The following DPP4 variants were observed in gnomAD, a reference collection of about 807,000 sequenced individuals.
The protein encoded by DPP4 is ADCP-2.
Under a neutral mutation model 122.4 loss-of-function variants are expected in DPP4, and 93 were observed. That is an observed-to-expected ratio of 0.76 (90% CI 0.64 to 0.90). The LOEUF is 0.90. Among genes scored for constraint, DPP4 ranks in the 40% least tolerant of loss-of-function variants. The probability of loss-of-function intolerance (pLI) is 0.00; values close to 1 mark genes in which losing one functional copy is unlikely to be tolerated. For missense variants in DPP4, 914 were observed against 907.3 expected, an observed-to-expected ratio of 1.01 and a Z score of -0.09; for synonymous variants, 321 against 302.9, an observed-to-expected ratio of 1.06 and a Z score of -0.62.
chr2:162,049,820 T>C (rs1401159659), intron 2 of DPP4, among the ~76,000 whole-genome samples: 1 of 152,212 alleles, frequency 6.6e-6, no homozygotes, highest in East Asian at 1.9e-4. Context: ...GATAATAGCC[T>C]TGTACCTGCC....
chr2:162,026,774 T>C (rs1576048435), intron 10 of DPP4, among the ~76,000 whole-genome samples: 1 of 152,186 alleles, frequency 6.6e-6, no homozygotes, highest in African/African-American at 2.4e-5. Flanking sequence ...GAAAGGTGAA[T>C]ACACTTTACC....
At chr2:162,051,233 T>C (rs73971551) in intron 2 of DPP4, among the ~76,000 whole-genome samples, 5,805 of 152,302 alleles carry the variant, frequency 0.038, 246 homozygotes, top group African/African-American at 0.098. Context: ...GGTATCTTAA[T>C]GAATCCTTGC....
chr2:162,016,734 A>G, intron 18 of DPP4, 34 bp downstream of exon 18: 1 of 1,499,740 alleles, frequency 6.7e-7, no homozygotes, highest in Middle Eastern at 1.8e-4. Context: ...TGGTGTTTCC[A>G]TGAAAAGTAC....
intron 23 of DPP4, among the ~76,000 whole-genome samples, chr2:162,002,492 A>G (rs2106077294): frequency 6.6e-6 from 1 of 152,330 alleles, no homozygotes; most frequent in Non-Finnish European, 1.5e-5. Context: ...CACTTTGGTC[A>G]TTCCTAATCC....
At position 162,045,557 on chromosome 2, in the gene DPP4, A is replaced by AT; in HGVS notation, c.340dup (p.Ile114AsnfsTer20). On this transcript the variant is annotated frameshift_variant, in exon 5 of 26. Coordinates refer to ENST00000360534, the MANE Select transcript of DPP4 (RefSeq NM_001935.4). LOFTEE classifies it high-confidence loss of function. ...CTTCACGTAGTTGTATTCTAAGAGA[A>AT]TAAACTGCCCATCAGGAGATATTGA... 6.2e-7 allele frequency: 1 copy of AT among 1,612,138 alleles called. No homozygotes were observed. Among genetic ancestry groups the AT allele is most frequent in the Non-Finnish European group, 8.5e-7 (1 of 1,178,304 alleles).
At chr2:162,058,445 T>C (rs1002967385) in intron 2 of DPP4, among the ~76,000 whole-genome samples, 1 of 152,218 alleles carries the variant, frequency 6.6e-6, no homozygotes, top group Non-Finnish European at 1.5e-5. Flanking sequence ...GCAACCCTGT[T>C]AACTGCCTAT....
intron 22 of DPP4, among the ~76,000 whole-genome samples, chr2:162,007,857 T>C (rs1363780641): frequency 6.6e-6 from 1 of 152,152 alleles, no homozygotes; most frequent in African/African-American, 2.4e-5. Flanking sequence ...TTTCTGGATA[T>C]AAAATATTTA....
At chr2:162,056,848 T>C (rs527964445) in intron 2 of DPP4, among the ~76,000 whole-genome samples, 1 of 152,342 alleles carries the variant, frequency 6.6e-6, no homozygotes, top group Admixed American at 6.5e-5. Context: ...TTCTTATAGA[T>C]AACATCACTA....
Position 162,020,659 on chromosome 2 carries a change from A to C in DPP4, c.1098T>G (p.Leu366=). The C allele has an allele frequency of 1.9e-6, 3 of 1,612,428 alleles. No homozygotes were observed. The highest frequency in any genetic ancestry group is 2.5e-6 in the Non-Finnish European group (3 of 1,179,580). ...TGATCTTGTAGAAGCTATTACCATC[A>C]AGGGTAAAATGAGGTTCTGAAGGCC... The part of the protein sequence containing the change: ...RFRPSEPHFT[L]DGNSFYKIIS... The change falls in exon 13 of 26, where the codon CTT becomes CTG. Residue 366 remains leucine (L), a synonymous_variant. Coordinates refer to ENST00000360534, the MANE Select transcript of DPP4 (RefSeq NM_001935.4).
intron 20 of DPP4, among the ~76,000 whole-genome samples, chr2:162,010,306 C>T (rs1038643964): frequency 1.3e-5 from 2 of 152,144 alleles, no homozygotes; most frequent in African/African-American, 4.8e-5. Flanking sequence ...AGGCATTTCC[C>T]TCTTTGCAAA....
intron 11 of DPP4, 34 bp downstream of exon 11, chr2:162,024,770 G>A (rs1181517115): frequency 6.2e-7 from 1 of 1,607,356 alleles, no homozygotes; most frequent in Admixed American, 1.7e-5. Flanking sequence ...ATCACATGTT[G>A]CTCTAGAAGC....
Position 162,005,649 on chromosome 2 carries a change from A to G in DPP4, c.2052+96T>C, listed in dbSNP as rs144623857. 5.6e-5 allele frequency: 63 copies of G among 1,130,390 alleles called. No homozygotes were observed. In the East Asian group the frequency reaches 1.6e-3, roughly 29 times the overall value. The allele number at this position is 1,130,390 out of a possible 1,614,324, so 70.0% of individuals were successfully genotyped here. A position where few individuals can be genotyped will look rare whatever the true frequency, so the allele number is the denominator to read the frequency against. On this transcript the variant is annotated intron_variant, in intron 23 of 25. Transcript: ENST00000360534. ...TCTTTTAACAAGAATTTTGTTGGAA[A>G]TAAAAATATGTATTTTCTAGAATAG...
chr2:162,020,310 T>TC lies in DPP4; in HGVS notation c.1177-15_1177-14insG. The TC allele has an allele frequency of 6.5e-7, 1 of 1,540,036 alleles. No homozygotes were observed. The highest frequency in any genetic ancestry group is 8.7e-7 in the Non-Finnish European group (1 of 1,152,378). On this transcript the variant is annotated splice_polypyrimidine_tract_variant and intron_variant, in intron 13 of 25. Transcript: ENST00000360534. ...AAATGTGCAGTCCTGATGGTTTTTT[T>TC]TTTTTTTCAAAAAAAAAAAAAAGAT... is the stretch of plus-strand genomic sequence containing the variant.
At chr2:162,058,872 T>G (rs1684665239) in intron 2 of DPP4, among the ~76,000 whole-genome samples, 1 of 152,186 alleles carries the variant, frequency 6.6e-6, no homozygotes, top group Admixed American at 6.5e-5. Context: ...CATCTGGACA[T>G]TCCTCAAAAT....
At chr2:162,000,881 G>A (rs991012622) in intron 23 of DPP4, among the ~76,000 whole-genome samples, 1 of 152,008 alleles carries the variant, frequency 6.6e-6, no homozygotes, top group African/African-American at 2.4e-5. Flanking sequence ...CCCTCCCCAG[G>A]CTTATGTCCT....
chr2:162,005,913 T>C, intron 22 of DPP4, 104 bp from the exon 23 acceptor site: 1 of 875,872 alleles, frequency 1.1e-6, no homozygotes, highest in East Asian at 2.7e-5. Context: ...CACTCATGTA[T>C]AGGAATATAG....
At chr2:162,019,135 GTT>G (rs1272086926) in intron 15 of DPP4, 86 bp downstream of exon 15, 1 of 1,152,652 alleles carries the variant, frequency 8.7e-7, no homozygotes, top group East Asian at 3.6e-5. Flanking sequence ...TTTAATATTA[GTT>G]AGGACAAGGC....
At chr2:162,024,132 G>A (rs889074984) in intron 11 of DPP4, among the ~76,000 whole-genome samples, 4 of 152,224 alleles carry the variant, frequency 2.6e-5, no homozygotes, top group Non-Finnish European at 5.9e-5. Flanking sequence ...AAGGGGGATT[G>A]GGGAGGTATC....
Position 162,051,706 on chromosome 2 carries a change from T to A in DPP4, c.95-4205A>T, listed in dbSNP as rs148627334. Among the ~76,000 whole-genome samples the A allele has an allele frequency of 4.7e-3, 709 of 152,220 alleles. 7 individuals are homozygous for A. The highest frequency in any genetic ancestry group is 0.016 in the African/African-American group (650 of 41,534). On this transcript the variant is annotated intron_variant, in intron 2 of 25. Transcript: ENST00000360534. ...TGACACAGGGGTGGTGGAGGAAAAA[T>A]CAAGGAGGTAAAAGAAGAAACTGAC...
Sources: allele counts gnomAD v4.1 joint callset (sites outside exome capture counted in the v4.1 genomes callset), GRCh38; gene constraint gnomAD v4.1.1; transcripts MANE v1.5; gene names NCBI Gene and HGNC (gene_info 2026-07-23, HGNC 2026-07-21).